The following RABGAP1L variants were observed in gnomAD, a reference collection of about 807,000 sequenced individuals.
RABGAP1L encodes the protein RAB GTPase activating protein 1 like, also known as rab GTPase-activating protein 1-like.
RABGAP1L carries 63 observed loss-of-function variants against 137.7 expected under a neutral mutation model. The observed-to-expected ratio is 0.46, with a 90% confidence interval of 0.37 to 0.56. The LOEUF (loss-of-function observed/expected upper bound fraction) is 0.56, where lower values mean the gene tolerates loss of function less well. RABGAP1L is among the 20% of genes least tolerant of loss of function. The pLI, the probability that RABGAP1L is intolerant of heterozygous loss-of-function variation, is 0.00. For missense variants in RABGAP1L, 1,095 were observed against 1,244.0 expected (o/e 0.88, Z 1.80); for synonymous variants, 431 against 433.7 (o/e 0.99, Z 0.08).
intron 11 of RABGAP1L, among the ~76,000 whole-genome samples, chr1:174,350,122 T>G (rs1460103156): frequency 1.5e-5 from 2 of 132,412 alleles, no homozygotes; most frequent in Non-Finnish European, 3.2e-5. Context: ...ACGGCACGGC[T>G]GGCCGGGTGG....
intron 19 of RABGAP1L, among the ~76,000 whole-genome samples, chr1:174,905,823 C>G (rs1658968131): frequency 6.6e-6 from 1 of 151,630 alleles, no homozygotes; most frequent in African/African-American, 2.4e-5. Context: ...TGTACTCTAG[C>G]CTGGGTAACA....
intron 13 of RABGAP1L, among the ~76,000 whole-genome samples, chr1:174,550,440 CA>C (rs1291390165): frequency 6.6e-6 from 1 of 152,144 alleles, no homozygotes; most frequent in Non-Finnish European, 1.5e-5. Flanking sequence ...AGCCTTACTC[CA>C]GTAACTATCT....
At position 174,992,789 on chromosome 1, in the gene RABGAP1L, A is replaced by G. The variant is rs2149404853; in HGVS notation, c.*2788A>G. On this transcript the variant is annotated 3_prime_UTR_variant, in exon 26 of 26. Transcript: ENST00000681986. ...TGCATCCCAGCATGAAGTAACTCCT[A>G]GTTTTAATTTTAGTTATTTTGAGAT... 6.6e-6 allele frequency: 1 copy of G among 152,292 alleles called. No homozygotes were observed. Among genetic ancestry groups the G allele is most frequent in the Middle Eastern group, 3.4e-3 (1 of 294 alleles). 9.4% of individuals were successfully genotyped at this position (152,292 alleles called of 1,614,324 possible).
In RABGAP1L at chr1:174,911,775, A is replaced by T. The variant is rs549198945; in HGVS notation, c.2341-45682A>T. ...ACTATGCTTGCCTTGATGGCGTAGA[A>T]TGGCCATAAAGATGACTGTGGAAAC... On this transcript the variant is annotated intron_variant, in intron 19 of 25. Coordinates refer to ENST00000681986, the MANE Select transcript of RABGAP1L (RefSeq NM_001366446.1). Among the ~76,000 whole-genome samples, 13 of 152,310 alleles carry T rather than the reference A, an allele frequency of 8.5e-5. No individual in the cohort carries two copies. In the South Asian group the frequency reaches 2.7e-3, roughly 32 times the overall value.
intron 18 of RABGAP1L, chr1:174,799,869 G>C: frequency 1.0e-6 from 1 of 987,390 alleles, no homozygotes; most frequent in South Asian, 4.6e-5. Flanking sequence ...AACTGCCCTG[G>C]CTTCCTGGCT....
intron 13 of RABGAP1L, among the ~76,000 whole-genome samples, chr1:174,465,275 C>T (rs56407387): frequency 0.35 from 53,659 of 152,096 alleles, 12,119 homozygotes; most frequent in African/African-American, 0.64. Context: ...TCTCAGCTCA[C>T]TGTGACCTCC....
intron 19 of RABGAP1L, among the ~76,000 whole-genome samples, chr1:174,882,059 C>T (rs750802407): frequency 6.6e-6 from 1 of 152,104 alleles, no homozygotes; most frequent in Non-Finnish European, 1.5e-5. Flanking sequence ...CGGGGTTTCT[C>T]CATGTTGGTC....
chr1:174,549,678 A>G (rs1372418837), intron 13 of RABGAP1L, among the ~76,000 whole-genome samples: 5 of 152,222 alleles, frequency 3.3e-5, no homozygotes, highest in Admixed American at 3.3e-4. Context: ...CCCTAAACCA[A>G]GAATAATTTC....
chr1:174,755,799 A>C (rs1684706309), intron 18 of RABGAP1L, among the ~76,000 whole-genome samples: 1 of 152,158 alleles, frequency 6.6e-6, no homozygotes, highest in Non-Finnish European at 1.5e-5. Flanking sequence ...GATGCACATA[A>C]ATTTATTTTC....
At chr1:174,635,214 G>A (rs1219832468) in intron 13 of RABGAP1L, among the ~76,000 whole-genome samples, 1 of 152,014 alleles carries the variant, frequency 6.6e-6, no homozygotes, top group Admixed American at 6.6e-5. Flanking sequence ...AGTTCCTAGG[G>A]AATACAGTCC....
chr1:174,406,736 G>A (rs1470007149), intron 13 of RABGAP1L, among the ~76,000 whole-genome samples: 6 of 152,064 alleles, frequency 3.9e-5, no homozygotes, highest in Non-Finnish European at 5.9e-5. Context: ...AGTTAAAGAC[G>A]CTGTCTCTAC....
At chr1:174,383,996 T>C (rs534364360) in intron 12 of RABGAP1L, among the ~76,000 whole-genome samples, 28 of 152,322 alleles carry the variant, frequency 1.8e-4, no homozygotes, top group African/African-American at 6.3e-4. Context: ...ATGATAGCCT[T>C]GCTCATAATC....
At chr1:174,411,874 T>C (rs1649973252) in intron 13 of RABGAP1L, among the ~76,000 whole-genome samples, 1 of 152,120 alleles carries the variant, frequency 6.6e-6, no homozygotes, top group Non-Finnish European at 1.5e-5. Flanking sequence ...TTAAAAAATT[T>C]ATTGAGACTT....
chr1:174,259,513 T>C (rs1222376893), intron 7 of RABGAP1L, among the ~76,000 whole-genome samples: 3 of 152,216 alleles, frequency 2.0e-5, no homozygotes, highest in African/African-American at 7.2e-5. Flanking sequence ...AATACTTGAC[T>C]AAATCAATAA....
rs1171905124 is a variant in RABGAP1L at position 174,664,979 on chromosome 1, C to T, written c.1825-18543C>T. Among the ~76,000 whole-genome samples, 4 of 152,040 alleles carry T rather than the reference C, an allele frequency of 2.6e-5. No homozygotes were observed. In the East Asian group the frequency reaches 5.8e-4, roughly 22 times the overall value. ...CTCAACCTCCCGACCTCAGGTGATC[C>T]GTTCGCCTCAGCTTCCCAAAGTGCT... On this transcript the variant is annotated intron_variant, in intron 14 of 25. Transcript: ENST00000681986.
chr1:174,415,323 A>G (rs989178613), intron 13 of RABGAP1L, among the ~76,000 whole-genome samples: 1 of 152,060 alleles, frequency 6.6e-6, no homozygotes, highest in Non-Finnish European at 1.5e-5. Flanking sequence ...ATAGACTTCA[A>G]TTTTCTACAT....
At chr1:174,754,733 C>T (rs987518834) in intron 18 of RABGAP1L, among the ~76,000 whole-genome samples, 1 of 152,140 alleles carries the variant, frequency 6.6e-6, no homozygotes, top group Admixed American at 6.6e-5. Context: ...AACTCCTGGA[C>T]TCAAGCAGTC....
At chr1:174,220,054 A>T (rs1350780356) in intron 2 of RABGAP1L, among the ~76,000 whole-genome samples, 1 of 152,208 alleles carries the variant, frequency 6.6e-6, no homozygotes, top group Non-Finnish European at 1.5e-5. Flanking sequence ...TTATTTAAAT[A>T]ATCAGTGGCT....
Position 174,448,574 on chromosome 1 carries a change from C to G in RABGAP1L, c.1710+54429C>G. On this transcript the variant is annotated intron_variant, in intron 13 of 25. Transcript: ENST00000681986. The surrounding 1 kb of genome is among the most constrained non-coding windows in gnomAD (Gnocchi z 4.2). ...TCTTTCCTACAATCAACTGGTCACC[C>G]CTTGTCGCTTGAGAATTTGCATTAT... The G allele has an allele frequency of 2.5e-6, 4 of 1,613,826 alleles. No individual in the cohort carries two copies. Among genetic ancestry groups the G allele is most frequent in the Non-Finnish European group, 3.4e-6 (4 of 1,179,764 alleles).
Sources: allele counts gnomAD v4.1 joint callset (sites outside exome capture counted in the v4.1 genomes callset), GRCh38; gene constraint gnomAD v4.1.1; non-coding constraint Gnocchi (gnomAD v3.1); transcripts MANE v1.5; gene names NCBI Gene and HGNC (gene_info 2026-07-23, HGNC 2026-07-21).